WWOX: variants seen among roughly 807,000 people sequenced by gnomAD.
WWOX encodes the protein WW domain-containing oxidoreductase.
WWOX carries 69 observed loss-of-function variants against 46.2 expected under a neutral mutation model. That is an observed-to-expected ratio of 1.49 (90% CI 1.23 to 1.82). The LOEUF (loss-of-function observed/expected upper bound fraction) is 1.82, where lower values mean the gene tolerates loss of function less well. Among genes scored for constraint, WWOX ranks in the 40% most tolerant of loss-of-function variants. WWOX has a pLI of 0.00. For missense variants in WWOX, 919 were observed against 542.6 expected (o/e 1.69, Z -6.89); for synonymous variants, 359 against 202.6 (o/e 1.77, Z -6.56).
intron 4 of WWOX, among the ~76,000 whole-genome samples, chr16:78,162,416 A>G (rs1323274457): frequency 6.6e-6 from 1 of 152,074 alleles, no homozygotes; most frequent in African/African-American, 2.4e-5. Flanking sequence ...ACACACATAC[A>G]CACATACAGA....
At chr16:78,467,315 C>G (rs1398759687) in intron 8 of WWOX, among the ~76,000 whole-genome samples, 1 of 151,890 alleles carries the variant, frequency 6.6e-6, no homozygotes, top group African/African-American at 2.4e-5. Flanking sequence ...TACACACAGT[C>G]TATATATACA....
intron 8 of WWOX, among the ~76,000 whole-genome samples, chr16:78,564,103 G>A (rs57549783): frequency 0.16 from 24,594 of 152,194 alleles, 2,425 homozygotes; most frequent in African/African-American, 0.28. Context: ...ACCTACAGAC[G>A]CAACTGCCTT....
intron 6 of WWOX, among the ~76,000 whole-genome samples, chr16:78,405,975 T>C: frequency 6.6e-6 from 1 of 152,120 alleles, no homozygotes; most frequent in East Asian, 1.9e-4. Flanking sequence ...CTTATGCACA[T>C]ATCATGCAAA....
chr16:78,831,821 A>G lies in WWOX; in HGVS notation c.1057-379787A>G, dbSNP rs551080628. Among the ~76,000 whole-genome samples, 4 of 152,334 alleles carry G rather than the reference A, an allele frequency of 2.6e-5. No homozygotes were observed. The South Asian group carries it at 8.3e-4, about 32-fold the overall frequency. On this transcript the variant is annotated intron_variant, in intron 8 of 8. Coordinates refer to ENST00000566780, the MANE Select transcript of WWOX (RefSeq NM_016373.4). Reference sequence around the variant, plus strand: ...CATCTATCTGTAGCACTGCATGTCAAGCCAAGCTAGAGTACAGTCTCTTAG... The same window carrying G: ...CATCTATCTGTAGCACTGCATGTCAGGCCAAGCTAGAGTACAGTCTCTTAG...
intron 8 of WWOX, among the ~76,000 whole-genome samples, chr16:78,785,239 C>T (rs532027725): frequency 2.1e-4 from 32 of 152,326 alleles, no homozygotes; most frequent in African/African-American, 7.2e-4. Context: ...GATAAGGCTG[C>T]AGTAATTCTC....
chr16:79,082,073 C>G (rs2048770454), intron 8 of WWOX, among the ~76,000 whole-genome samples: 1 of 152,140 alleles, frequency 6.6e-6, no homozygotes, highest in Non-Finnish European at 1.5e-5. Flanking sequence ...CATTCCTTGC[C>G]AAGCGAAAAT....
At chr16:78,522,082 C>G (rs1473744019) in intron 8 of WWOX, among the ~76,000 whole-genome samples, 1 of 150,582 alleles carries the variant, frequency 6.6e-6, no homozygotes, top group Non-Finnish European at 1.5e-5. Context: ...TCTACATCCA[C>G]AGCCTGTGCT....
intron 8 of WWOX, among the ~76,000 whole-genome samples, chr16:78,982,523 T>C (rs979511917): frequency 1.3e-5 from 2 of 152,248 alleles, no homozygotes; most frequent in African/African-American, 4.8e-5. Context: ...CTTTAGACTT[T>C]AACTGACAGA....
intron 8 of WWOX, among the ~76,000 whole-genome samples, chr16:78,564,337 A>T (rs1358757985): frequency 6.6e-6 from 1 of 152,244 alleles, no homozygotes; most frequent in East Asian, 1.9e-4. Flanking sequence ...TAGGCCTGGT[A>T]TGCAGAAGTA....
At chr16:78,382,228 C>T (rs914398478) in intron 5 of WWOX, among the ~76,000 whole-genome samples, 1 of 152,144 alleles carries the variant, frequency 6.6e-6, no homozygotes, top group Non-Finnish European at 1.5e-5. Flanking sequence ...GCACGTTGCA[C>T]CTTCTAGAAG....
chr16:78,865,107 C>T (rs1300649744), intron 8 of WWOX, among the ~76,000 whole-genome samples: 1 of 151,984 alleles, frequency 6.6e-6, no homozygotes, highest in Admixed American at 6.6e-5. Context: ...ATGTTAAACA[C>T]CCTTATTAAC....
intron 8 of WWOX, among the ~76,000 whole-genome samples, chr16:78,909,120 C>A (rs1405973357): frequency 6.6e-6 from 1 of 152,222 alleles, no homozygotes. Flanking sequence ...ACAAGACAGC[C>A]TGGAGGTTAG....
At chr16:79,012,602 C>G (rs546626637) in intron 8 of WWOX, among the ~76,000 whole-genome samples, 29 of 152,290 alleles carry the variant, frequency 1.9e-4, no homozygotes, top group African/African-American at 6.7e-4. Flanking sequence ...GAGGGCTACT[C>G]TAATGAGTGG....
At chr16:78,326,884 A>G (rs1339609986) in intron 5 of WWOX, among the ~76,000 whole-genome samples, 1 of 152,072 alleles carries the variant, frequency 6.6e-6, no homozygotes, top group Non-Finnish European at 1.5e-5. Flanking sequence ...ATTCTATATG[A>G]ATCTTGAATA....
chr16:78,627,716 G>T (rs1483438650), intron 8 of WWOX, among the ~76,000 whole-genome samples: 2 of 152,214 alleles, frequency 1.3e-5, no homozygotes, highest in Non-Finnish European at 2.9e-5. Flanking sequence ...GAAGACTCTG[G>T]AACAACATGG....
rs773619870 is a variant in WWOX, at chr16:78,548,197, C to T, written c.1056+115445C>T. Among the ~76,000 whole-genome samples, 25 of 145,512 alleles carry T rather than the reference C, an allele frequency of 1.7e-4. 1 individual carries two copies. The highest frequency in any genetic ancestry group is 4.4e-4 in the South Asian group (2 of 4,554). On this transcript the variant is annotated intron_variant, in intron 8 of 8. Coordinates refer to ENST00000566780, the MANE Select transcript of WWOX (RefSeq NM_016373.4). Reference sequence around the variant, plus strand: ...AAAAAAATTACGAATTTTGCGAGGACGCAAACATTTAATCCGTAGTACTGA... The same window carrying T: ...AAAAAAATTACGAATTTTGCGAGGATGCAAACATTTAATCCGTAGTACTGA...
chr16:78,389,074 C>G (rs73569053), intron 6 of WWOX, among the ~76,000 whole-genome samples: 23 of 152,260 alleles, frequency 1.5e-4, no homozygotes, highest in African/African-American at 5.5e-4. Context: ...TGCAACATCG[C>G]CTAAGCGCAG....
At chr16:79,098,519 G>T (rs762966491) in intron 8 of WWOX, among the ~76,000 whole-genome samples, 1 of 152,238 alleles carries the variant, frequency 6.6e-6, no homozygotes, top group Non-Finnish European at 1.5e-5. Flanking sequence ...GGTACTGATG[G>T]TTGCATTTCA....
At chr16:78,736,701 G>C (rs1263164828) in intron 8 of WWOX, among the ~76,000 whole-genome samples, 1 of 152,090 alleles carries the variant, frequency 6.6e-6, no homozygotes, top group Non-Finnish European at 1.5e-5. Context: ...AGGCTGAAGT[G>C]ATCCTCCCAC....
Sources: gnomAD v4.1 joint callset for allele counts (sites outside exome capture counted in the v4.1 genomes callset) on GRCh38, gnomAD v4.1.1 for gene constraint, MANE v1.5 for transcripts, NCBI Gene and HGNC (gene_info 2026-07-23, HGNC 2026-07-21) for gene names.